PIWIL1: variants seen among roughly 807,000 people sequenced by gnomAD.
The protein encoded by PIWIL1 is piwi-like protein 1.
Under a neutral mutation model 114.4 loss-of-function variants are expected in PIWIL1, and 73 were observed. That is an observed-to-expected ratio of 0.64 (90% CI 0.53 to 0.78). PIWIL1 has a LOEUF of 0.78. Among genes scored for constraint, PIWIL1 ranks in the 30% least tolerant of loss-of-function variants. The probability of loss-of-function intolerance (pLI) is 0.00; values close to 1 mark genes in which losing one functional copy is unlikely to be tolerated. For missense variants in PIWIL1, 723 were observed against 1,063.1 expected (o/e 0.68, Z 4.45); for synonymous variants, 375 against 369.0 (o/e 1.02, Z -0.19).
chr12:130,421,691 A>ATATGTG, the PIWIL1 span, among the ~76,000 whole-genome samples: 6 of 147,188 alleles, frequency 4.1e-5, no homozygotes, highest in African/African-American at 1.3e-4. Context: ...CTGCATTTAT[A>ATATGTG]TGTGTGTGTG....
chr12:130,350,390 C>T (rs1229003566), intron 9 of PIWIL1, among the ~76,000 whole-genome samples: 1 of 152,188 alleles, frequency 6.6e-6, no homozygotes. Flanking sequence ...AAATCTACTG[C>T]CTGTGGGTTA....
chr12:130,374,282 C>T (rs1232200839), downstream of PIWIL1, among the ~76,000 whole-genome samples: 1 of 152,184 alleles, frequency 6.6e-6, no homozygotes, highest in African/African-American at 2.4e-5. Context: ...GTATTTTCAA[C>T]AGCAGTTTCA....
chr12:130,414,463 C>T, the PIWIL1 span: 1 of 657,272 alleles, frequency 1.5e-6, no homozygotes, highest in South Asian at 2.1e-5. Flanking sequence ...ATCGGGAGGT[C>T]TAGGTCAGAT....
the PIWIL1 span, among the ~76,000 whole-genome samples, chr12:130,390,237 G>T: frequency 6.6e-6 from 1 of 152,108 alleles, no homozygotes; most frequent in South Asian, 2.1e-4. Context: ...CCAGGTTTTG[G>T]AATGTAATAC....
At chr12:130,376,745 C>G (rs972834345), downstream of PIWIL1, among the ~76,000 whole-genome samples, 8 of 152,238 alleles carry the variant, frequency 5.3e-5, no homozygotes, top group African/African-American at 1.9e-4. Flanking sequence ...TAACCCATGT[C>G]TCTGCTCTTG....
At chr12:130,346,661 T>C in intron 5 of PIWIL1, 77 bp downstream of exon 5, 1 of 1,227,338 alleles carries the variant, frequency 8.1e-7, no homozygotes, top group Non-Finnish European at 1.2e-6. Flanking sequence ...TCACATGGCT[T>C]TTAGAGAGGC....
chr12:130,403,034 AC>A, the PIWIL1 span, among the ~76,000 whole-genome samples: 1 of 152,210 alleles, frequency 6.6e-6, no homozygotes, highest in Non-Finnish European at 1.5e-5. Context: ...GTCCCTGCTT[AC>A]GCTTGTTTTA....
the PIWIL1 span, among the ~76,000 whole-genome samples, chr12:130,392,342 T>C: frequency 1.4e-4 from 8 of 58,194 alleles, no homozygotes; most frequent in South Asian, 5.6e-4. Flanking sequence ...CTGGTGAATA[T>C]TGAATGTTGT....
chr12:130,347,090 A>G (rs779526680), intron 6 of PIWIL1, 28 bp downstream of exon 6: 29 of 1,493,632 alleles, frequency 1.9e-5, no homozygotes, highest in Non-Finnish European at 2.5e-5. Flanking sequence ...ACATTTTATT[A>G]AGAAAACAGC....
chr12:130,342,139 C>T (rs949099107), intron 1 of PIWIL1: 1 of 158,084 alleles, frequency 6.3e-6, no homozygotes, highest in Non-Finnish European at 1.4e-5. Flanking sequence ...GGACACTTGC[C>T]ACAAGTGCCT....
intron 9 of PIWIL1, among the ~76,000 whole-genome samples, chr12:130,350,638 A>G (rs946521649): frequency 6.6e-6 from 1 of 152,188 alleles, no homozygotes; most frequent in East Asian, 1.9e-4. Flanking sequence ...CTGGCCCCCA[A>G]ATCCTTAGAA....
At chr12:130,401,526 G>T in the PIWIL1 span, among the ~76,000 whole-genome samples, 2 of 151,702 alleles carry the variant, frequency 1.3e-5, no homozygotes, top group Non-Finnish European at 2.9e-5. Flanking sequence ...CACACTCACT[G>T]CCCTGCCCCG....
At chr12:130,340,759 C>A (rs1390883712) in intron 1 of PIWIL1, among the ~76,000 whole-genome samples, 2 of 151,766 alleles carry the variant, frequency 1.3e-5, no homozygotes, top group Non-Finnish European at 2.9e-5. Context: ...GTGTGTAAGC[C>A]GAGCATGCAT....
the PIWIL1 span, chr12:130,406,217 A>G: frequency 6.2e-7 from 1 of 1,605,252 alleles, no homozygotes; most frequent in East Asian, 2.2e-5. Flanking sequence ...CTGTAATAAT[A>G]TCTCCTGTGC....
chr12:130,392,674 C>CGT, the PIWIL1 span, among the ~76,000 whole-genome samples: 16 of 4,636 alleles, frequency 3.5e-3, no homozygotes, highest in African/African-American at 8.1e-3. Flanking sequence ...ACCGTCATCA[C>CGT]GTGTCTGTCA....
the PIWIL1 span, chr12:130,414,012 G>A: frequency 8.6e-7 from 1 of 1,164,756 alleles, no homozygotes; most frequent in Admixed American, 1.9e-5. Flanking sequence ...CCTCGCCCAT[G>A]GCCTGCAGGA....
chr12:130,386,219 A>C, the PIWIL1 span, among the ~76,000 whole-genome samples: 1 of 152,154 alleles, frequency 6.6e-6, no homozygotes, highest in African/African-American at 2.4e-5. Context: ...TAAGATGCTC[A>C]GAATTGGAGC....
At chr12:130,374,897 C>T (rs554853442), downstream of PIWIL1, among the ~76,000 whole-genome samples, 3 of 152,174 alleles carry the variant, frequency 2.0e-5, no homozygotes, top group African/African-American at 7.2e-5. Context: ...TTTACATCTC[C>T]CTTTAACAAA....
chr12:130,354,776 T>C, intron 10 of PIWIL1, 112 bp from the exon 11 acceptor site: 1 of 1,446,360 alleles, frequency 6.9e-7, no homozygotes, highest in Non-Finnish European at 9.4e-7. Flanking sequence ...AAACCTTTTA[T>C]TAAAACTGCT....
Sources: allele counts gnomAD v4.1 joint callset (sites outside exome capture counted in the v4.1 genomes callset), GRCh38; gene constraint gnomAD v4.1.1; transcripts MANE v1.5; gene names NCBI Gene and HGNC (gene_info 2026-07-23, HGNC 2026-07-21).